The following AKT3 variants were observed in gnomAD, a reference collection of about 807,000 sequenced individuals.
AKT3 encodes the protein AKT serine/threonine kinase 3, also known as RAC-gamma serine/threonine-protein kinase.
Under a neutral mutation model 65.3 loss-of-function variants are expected in AKT3, and 15 were observed. That is an observed-to-expected ratio of 0.23 (90% CI 0.15 to 0.35). The LOEUF (loss-of-function observed/expected upper bound fraction) is 0.35. Ranked by LOEUF, AKT3 falls within the 10% of genes least tolerant of loss-of-function variation. The pLI is 1.00. For missense variants in AKT3, 243 were observed against 576.5 expected, an observed-to-expected ratio of 0.42 and a Z score of 5.92; for synonymous variants, 206 against 183.8, an observed-to-expected ratio of 1.12 and a Z score of -0.98.
chr1:243,563,804 T>G lies in AKT3; in HGVS notation c.864A>C (p.Thr288=), dbSNP rs1352847539. Reference sequence around the variant, plus strand: ...TCCCTTCTTTGCAAAGTCCAAAATCTGTAATTTTTATGTGGCCATCTTTGT... The same window carrying G: ...TCCCTTCTTTGCAAAGTCCAAAATCGGTAATTTTTATGTGGCCATCTTTGT... The part of the protein sequence containing the change: ...MLDKDGHIKI[T]DFGLCKEGIT... The change falls in exon 10 of 14, where the codon ACA becomes ACC. Residue 288 remains threonine, a synonymous_variant. Transcript: ENST00000673466. 1.2e-6 allele frequency: 2 copies of G among 1,612,812 alleles called. No individual in the cohort carries two copies. The highest frequency in any genetic ancestry group is 1.3e-5 in the African/African-American group (1 of 75,028).
At chr1:243,719,473 T>C (rs565452176) in intron 2 of AKT3, among the ~76,000 whole-genome samples, 1 of 152,148 alleles carries the variant, frequency 6.6e-6, no homozygotes, top group South Asian at 2.1e-4. Context: ...CCAATTCCAA[T>C]TGCTAAGAAA....
intron 2 of AKT3, among the ~76,000 whole-genome samples, chr1:243,763,982 T>C (rs1012617847): frequency 6.6e-6 from 1 of 152,078 alleles, no homozygotes; most frequent in African/African-American, 2.4e-5. Flanking sequence ...CACCCTCCAG[T>C]GGCTGGCTCT....
At chr1:243,611,639 GCAC>G (rs1328555750) in intron 8 of AKT3, among the ~76,000 whole-genome samples, 1 of 151,574 alleles carries the variant, frequency 6.6e-6, no homozygotes, top group Non-Finnish European at 1.5e-5. Flanking sequence ...AGCAGAGATG[GCAC>G]CACTACAATC....
intron 2 of AKT3, among the ~76,000 whole-genome samples, chr1:243,825,684 T>G (rs569326830): frequency 6.6e-6 from 1 of 152,324 alleles, no homozygotes; most frequent in South Asian, 2.1e-4. Flanking sequence ...CCTTATATAA[T>G]TGACTTGTTA....
intron 6 of AKT3, among the ~76,000 whole-genome samples, chr1:243,628,165 T>C (rs1000626063): frequency 2.0e-5 from 3 of 152,054 alleles, no homozygotes; most frequent in Admixed American, 6.5e-5. Flanking sequence ...CATAACATAA[T>C]CCTAAAACCT....
intron 8 of AKT3, among the ~76,000 whole-genome samples, chr1:243,585,719 T>C (rs1675751915): frequency 6.6e-6 from 1 of 152,242 alleles, no homozygotes; most frequent in South Asian, 2.1e-4. Context: ...CCCTATCTTT[T>C]ACCATATACA....
intron 12 of AKT3, among the ~76,000 whole-genome samples, chr1:243,534,410 A>T (rs1671758687): frequency 6.6e-6 from 1 of 152,260 alleles, no homozygotes; most frequent in Non-Finnish European, 1.5e-5. Context: ...AAGGAGAAAC[A>T]GATGACTCTA....
At chr1:243,728,850 G>A (rs1246980954) in intron 2 of AKT3, among the ~76,000 whole-genome samples, 2 of 152,140 alleles carry the variant, frequency 1.3e-5, no homozygotes, top group Non-Finnish European at 2.9e-5. Flanking sequence ...GGACTTCAGG[G>A]AAACTTAGTT....
intron 2 of AKT3, among the ~76,000 whole-genome samples, chr1:243,799,742 T>C (rs1367248968): frequency 6.6e-6 from 1 of 152,240 alleles, no homozygotes; most frequent in African/African-American, 2.4e-5. Context: ...AGAGCTTTTT[T>C]GAAAGTCTGA....
intron 8 of AKT3, among the ~76,000 whole-genome samples, chr1:243,607,865 G>A (rs942761156): frequency 2.1e-4 from 32 of 152,226 alleles, no homozygotes; most frequent in Non-Finnish European, 4.3e-4. Flanking sequence ...GATTGTCAGC[G>A]AGTTCTCACA....
At chr1:243,585,484 C>T (rs761375437) in intron 8 of AKT3, among the ~76,000 whole-genome samples, 6 of 152,140 alleles carry the variant, frequency 3.9e-5, no homozygotes, top group South Asian at 2.1e-4. Context: ...TACCTGCCTT[C>T]GAACCATACT....
intron 11 of AKT3, chr1:243,548,116 A>C (rs1317006504): frequency 6.6e-6 from 1 of 152,214 alleles, no homozygotes; most frequent in Non-Finnish European, 1.5e-5. Flanking sequence ...TTGGGGAACC[A>C]GAGAAGCAAA....
intron 2 of AKT3, among the ~76,000 whole-genome samples, chr1:243,838,486 A>T (rs546813357): frequency 6.6e-6 from 1 of 152,252 alleles, no homozygotes; most frequent in Non-Finnish European, 1.5e-5. Flanking sequence ...TGAATAAAAA[A>T]TGAACAAAAA....
intron 2 of AKT3, among the ~76,000 whole-genome samples, chr1:243,728,568 A>G (rs1687356183): frequency 6.6e-6 from 1 of 152,204 alleles, no homozygotes; most frequent in African/African-American, 2.4e-5. Flanking sequence ...TATTTCACCT[A>G]AAACTTTATG....
At chr1:243,567,510 TA>T in intron 9 of AKT3, among the ~76,000 whole-genome samples, 1 of 142,594 alleles carries the variant, frequency 7.0e-6, no homozygotes, top group African/African-American at 2.6e-5. Flanking sequence ...TTTTTTTTTT[TA>T]AGAGATGGTA....
chr1:243,506,108 G>A (rs1669648701), intron 13 of AKT3, among the ~76,000 whole-genome samples: 1 of 152,216 alleles, frequency 6.6e-6, no homozygotes. Context: ...CTGGTATGTG[G>A]CCACGTGGTC....
intron 4 of AKT3, among the ~76,000 whole-genome samples, chr1:243,657,461 T>G (rs896106135): frequency 2.9e-4 from 44 of 152,196 alleles, no homozygotes; most frequent in African/African-American, 9.6e-4. Flanking sequence ...ATTTGTACAC[T>G]GAAAACTACA....
At chr1:243,812,500 G>C (rs554526973) in intron 2 of AKT3, among the ~76,000 whole-genome samples, 1 of 152,248 alleles carries the variant, frequency 6.6e-6, no homozygotes, top group South Asian at 2.1e-4. Context: ...TTAGAATGGC[G>C]ATCATTAAAA....
intron 2 of AKT3, among the ~76,000 whole-genome samples, chr1:243,795,619 C>A (rs374729391): frequency 6.7e-6 from 1 of 150,262 alleles, no homozygotes; most frequent in Non-Finnish European, 1.5e-5. Flanking sequence ...CTACAGGCGC[C>A]CGCCACTACG....
Sources: allele counts gnomAD v4.1 joint callset (sites outside exome capture counted in the v4.1 genomes callset), GRCh38; gene constraint gnomAD v4.1.1; transcripts MANE v1.5; gene names NCBI Gene and HGNC (gene_info 2026-07-23, HGNC 2026-07-21).